The following OGN variants were observed in gnomAD, a reference collection of about 807,000 sequenced individuals.
OGN encodes the protein osteoglycin, also known as mimecan.
OGN carries 19 observed loss-of-function variants against 30.8 expected under a neutral mutation model. The observed-to-expected ratio is 0.62, with a 90% confidence interval of 0.43 to 0.90. OGN has a LOEUF of 0.90. Ranked by LOEUF, OGN falls within the 40% of genes least tolerant of loss-of-function variation. The pLI is 0.00. For synonymous variants in OGN, 126 were observed against 128.3 expected (o/e 0.98, Z 0.12); for missense variants, 283 against 349.7 (o/e 0.81, Z 1.52).
At chr9:92,389,524 T>G in intron 5 of OGN, 1 of 171,332 alleles carries the variant, frequency 5.8e-6, no homozygotes, top group Non-Finnish European at 1.2e-5. Context: ...ACAGGAAATA[T>G]CCCATTTTGA....
intron 5 of OGN, among the ~76,000 whole-genome samples, chr9:92,388,030 C>T (rs534986223): frequency 3.0e-4 from 45 of 152,114 alleles, no homozygotes; most frequent in Non-Finnish European, 1.8e-4. Context: ...TCCCAAAGTG[C>T]TAGGATTACA....
At chr9:92,391,324 A>G (rs1055246054) in intron 4 of OGN, among the ~76,000 whole-genome samples, 1 of 151,888 alleles carries the variant, frequency 6.6e-6, no homozygotes, top group African/African-American at 2.4e-5. Flanking sequence ...GGAGAATGGC[A>G]TGAACCTGGG....
intron 4 of OGN, among the ~76,000 whole-genome samples, chr9:92,390,464 TATCTTA>T (rs1408725072): frequency 3.3e-5 from 5 of 152,206 alleles, no homozygotes; most frequent in African/African-American, 9.6e-5. Context: ...CTGAGTATGT[TATCTTA>T]ATCTTAATCT....
chr9:92,392,988 C>G, intron 4 of OGN, 98 bp downstream of exon 4: 2 of 929,630 alleles, frequency 2.2e-6, no homozygotes, highest in South Asian at 2.0e-5. Flanking sequence ...AAGTGACAAA[C>G]CTGAATGTGA....
Position 92,383,743 on chromosome 9 carries a change from C to T in OGN, c.*1877G>A, listed in dbSNP as rs1842324513. On this transcript the variant is annotated 3_prime_UTR_variant, in exon 7 of 7. Coordinates refer to ENST00000375561, the MANE Select transcript of OGN (RefSeq NM_014057.5). ...AAATTATTTCTTTAATTCTGGAATTCATACCTTTTACCAATGTTCTTTCTC... is the reference window on the plus strand; with the variant it reads ...AAATTATTTCTTTAATTCTGGAATTTATACCTTTTACCAATGTTCTTTCTC... 6.6e-6 allele frequency among the ~76,000 whole-genome samples: 1 copy of T among 152,070 alleles called. No individual in the cohort carries two copies. The highest frequency in any genetic ancestry group is 1.5e-5 in the Non-Finnish European group (1 of 67,994).
In OGN at chr9:92,393,263, C is replaced by A. The variant is rs2130903972; in HGVS notation, c.269-19G>T. 1 of 1,562,076 alleles carries A rather than the reference C, an allele frequency of 6.4e-7. No individual in the cohort carries two copies. The highest frequency in any genetic ancestry group is 1.2e-5 in the South Asian group (1 of 82,404). On this transcript the variant is annotated intron_variant, in intron 3 of 6. Transcript: ENST00000375561. Reference sequence around the variant, plus strand: ...GGCATTTCTAAATTGGGAATAAAATCATAAAAATATGAACAATCGTTTGAA... The same window carrying A: ...GGCATTTCTAAATTGGGAATAAAATAATAAAAATATGAACAATCGTTTGAA...
intron 5 of OGN, among the ~76,000 whole-genome samples, chr9:92,386,593 C>G (rs1159860187): frequency 1.3e-5 from 2 of 151,984 alleles, no homozygotes. Flanking sequence ...ACTTCTGGTA[C>G]TCTTTGTGTT....
At chr9:92,388,695 G>T (rs1433113710) in intron 5 of OGN, among the ~76,000 whole-genome samples, 2 of 151,870 alleles carry the variant, frequency 1.3e-5, no homozygotes, top group Non-Finnish European at 2.9e-5. Flanking sequence ...AGCCGGGCGT[G>T]GTGGTGTGTG....
chr9:92,401,113 GT>G lies in OGN; in HGVS notation c.246del (p.Leu82PhefsTer19). ...TTACCATCATTTTCTTTCTTGGGAG[GT>G]AATGGTGTTATTGCCTCATCTTTTT... ...QLQKDEAITP[L>X]PPKKENDEMP... On this transcript the variant is annotated frameshift_variant, in exon 3 of 7. Coordinates refer to ENST00000375561, the MANE Select transcript of OGN (RefSeq NM_014057.5). LOFTEE classifies it high-confidence loss of function. 1 of 1,505,876 alleles carries G rather than the reference GT, an allele frequency of 6.6e-7. No homozygotes were observed. Among genetic ancestry groups the G allele is most frequent in the Non-Finnish European group, 9.2e-7 (1 of 1,084,030 alleles). The allele number at this position is 1,505,876 out of a possible 1,614,324, so 93.3% of individuals were successfully genotyped here. A position where few individuals can be genotyped will look rare whatever the true frequency, so the allele number is the denominator to read the frequency against.
Position 92,385,513 on chromosome 9 carries a change from A to G in OGN, c.*107T>C. 1 of 942,308 alleles carries G rather than the reference A, an allele frequency of 1.1e-6. No homozygotes were observed. The highest frequency in any genetic ancestry group is 1.9e-5 in the South Asian group (1 of 53,450). The allele number at this position is 942,308 out of a possible 1,614,324, so 58.4% of individuals were successfully genotyped here. On this transcript the variant is annotated 3_prime_UTR_variant, in exon 7 of 7. Transcript: ENST00000375561. ...GCTTAAAATATTAAATTCCTTCAAA[A>G]TGAGATACAAGGTTAATATTAAACC... is the stretch of plus-strand genomic sequence containing the variant.
chr9:92,387,528 C>T (rs1348029137), intron 5 of OGN, among the ~76,000 whole-genome samples: 1 of 152,092 alleles, frequency 6.6e-6, no homozygotes, highest in East Asian at 1.9e-4. Flanking sequence ...GTAATTTCCC[C>T]TGACATTACT....
At chr9:92,387,499 C>T (rs940730614) in intron 5 of OGN, among the ~76,000 whole-genome samples, 3 of 152,144 alleles carry the variant, frequency 2.0e-5, no homozygotes, top group Non-Finnish European at 4.4e-5. Context: ...TGATCAGTAA[C>T]CCATTATTGT....
At chr9:92,395,941 G>C (rs367584095) in intron 3 of OGN, among the ~76,000 whole-genome samples, 3 of 151,018 alleles carry the variant, frequency 2.0e-5, no homozygotes, top group African/African-American at 4.9e-5. Flanking sequence ...AATGTTTGCC[G>C]ACCACCAAGA....
Position 92,387,429 on chromosome 9 carries a change from GCAAA to G in OGN, c.631-1137_631-1134del, listed in dbSNP as rs1355026914. The stretch of plus-strand genomic sequence containing the variant: ...GCAAGATGTTTCCCAAAGCAGTTTA[GCAAA>G]CAGTTAGCTTGATGCAGGTTTTTTC... On this transcript the variant is annotated intron_variant, in intron 5 of 6. Coordinates refer to ENST00000375561, the MANE Select transcript of OGN (RefSeq NM_014057.5). Among the ~76,000 whole-genome samples the G allele has an allele frequency of 2.0e-5, 3 of 151,972 alleles. No homozygotes were observed. In the South Asian group the frequency reaches 6.3e-4, roughly 32 times the overall value.
intron 3 of OGN, among the ~76,000 whole-genome samples, chr9:92,397,502 G>T (rs1006447622): frequency 6.6e-6 from 1 of 151,966 alleles, no homozygotes; most frequent in African/African-American, 2.4e-5. Flanking sequence ...AATTTTTTTT[G>T]TATTTTTAGT....
intron 3 of OGN, among the ~76,000 whole-genome samples, chr9:92,396,803 A>G (rs530222495): frequency 6.2e-4 from 95 of 152,206 alleles, no homozygotes; most frequent in African/African-American, 2.3e-3. Context: ...TCCTGAGGTC[A>G]AGCAGTCCTC....
At position 92,391,413 on chromosome 9, in the gene OGN, T is replaced by A. The variant is rs550944266; in HGVS notation, c.428-1357A>T. Among the ~76,000 whole-genome samples, 23 of 150,786 alleles carry A rather than the reference T, an allele frequency of 1.5e-4. 1 individual carries two copies. In the South Asian group the frequency reaches 1.9e-3, roughly 12 times the overall value. On this transcript the variant is annotated intron_variant, in intron 4 of 6. Coordinates refer to ENST00000375561, the MANE Select transcript of OGN (RefSeq NM_014057.5). ...CAGAGTAAGACTCCATCTCAAAAAATAAATAAATTAAATTAAATTAAATTA... is the reference window on the plus strand; with the variant it reads ...CAGAGTAAGACTCCATCTCAAAAAAAAAATAAATTAAATTAAATTAAATTA...
At position 92,390,042 on chromosome 9, in the gene OGN, GTCT is replaced by G; in HGVS notation, c.439_441del (p.Arg147del). 6.3e-7 allele frequency: 1 copy of G among 1,588,606 alleles called. No individual in the cohort carries two copies. On this transcript the variant is annotated inframe_deletion, in exon 5 of 7. Transcript: ENST00000375561. The stretch of plus-strand genomic sequence containing the variant: ...TCTATCAAATTTCCTGTAAAATCGA[GTCT>G]TCTTAAGTTAGCTAGAGGGAAAAAA...
In OGN at chr9:92,389,949, GT is replaced by G; in HGVS notation, c.534del (p.Gln178HisfsTer3). 6.2e-7 allele frequency: 1 copy of G among 1,611,822 alleles called. No homozygotes were observed. Among genetic ancestry groups the G allele is most frequent in the Non-Finnish European group, 8.5e-7 (1 of 1,178,186 alleles). On this transcript the variant is annotated frameshift_variant, in exon 5 of 7. Coordinates refer to ENST00000375561, the MANE Select transcript of OGN (RefSeq NM_014057.5). LOFTEE classifies it high-confidence loss of function. ...LLEELSLAEN[Q>X]LLKLPVLPPK... Reference sequence around the variant, plus strand: ...GGAGGAAGAACTGGAAGTTTTAGTAGTTGATTTTCAGCAAGTGAAAGTTCTT... The same window carrying G: ...GGAGGAAGAACTGGAAGTTTTAGTAGTGATTTTCAGCAAGTGAAAGTTCTT...
Sources: allele counts gnomAD v4.1 joint callset (sites outside exome capture counted in the v4.1 genomes callset), GRCh38; gene constraint gnomAD v4.1.1; transcripts MANE v1.5; gene names NCBI Gene and HGNC (gene_info 2026-07-23, HGNC 2026-07-21).